CUBN: variants seen among roughly 807,000 people sequenced by gnomAD.
CUBN encodes the protein cubilin, also known as 460 kDa receptor.
A neutral mutation model predicts 405.3 loss-of-function variants in CUBN; 282 were observed. That is an observed-to-expected ratio of 0.70 (90% CI 0.63 to 0.77). CUBN has a LOEUF of 0.77. Among genes scored for constraint, CUBN ranks in the 30% least tolerant of loss-of-function variants. CUBN has a pLI of 0.00. For missense variants in CUBN, 4,514 were observed against 4,475.2 expected (o/e 1.01, Z -0.25); for synonymous variants, 1,684 against 1,617.0 (o/e 1.04, Z -0.99).
intron 51 of CUBN, among the ~76,000 whole-genome samples, chr10:16,902,494 G>A (rs1335000938): frequency 6.6e-6 from 1 of 151,480 alleles, no homozygotes; most frequent in South Asian, 2.1e-4. Flanking sequence ...CATTTCTGAA[G>A]AATAATATGG....
Position 17,082,066 on chromosome 10 carries a change from C to G in CUBN, c.2301+2205G>C, listed in dbSNP as rs117971923. 6.2e-3 allele frequency among the ~76,000 whole-genome samples: 938 copies of G among 152,266 alleles called. 2 individuals are homozygous for G. Among genetic ancestry groups the G allele is most frequent in the Non-Finnish European group, 9.1e-3 (618 of 68,020 alleles). On this transcript the variant is annotated intron_variant, in intron 17 of 66. Coordinates refer to ENST00000377833, the MANE Select transcript of CUBN (RefSeq NM_001081.4). The stretch of plus-strand genomic sequence containing the variant: ...ATACCTCGCTGGCCAACTGTGACAG[C>G]CACATCGGCTGTCTCTGAACTGATA...
chr10:16,984,683 A>G (rs529161643), intron 29 of CUBN, among the ~76,000 whole-genome samples: 6 of 152,342 alleles, frequency 3.9e-5, no homozygotes, highest in African/African-American at 1.2e-4. Flanking sequence ...AAAAAAAGAA[A>G]TGTCTGATTT....
At position 17,103,221 on chromosome 10, in the gene CUBN, G is replaced by T; in HGVS notation, c.1434C>A (p.Leu478=). The T allele has an allele frequency of 2.5e-6, 4 of 1,611,464 alleles. No homozygotes were observed. The highest frequency in any genetic ancestry group is 3.4e-6 in the Non-Finnish European group (4 of 1,177,692). The change falls in exon 13 of 67, where the codon CTC becomes CTA. Residue 478 remains leucine, a synonymous_variant. Transcript: ENST00000377833. ...AGCTGAAGCTTCCATTTATTCCTGA[G>T]AGGGACTCTCCACAAACTGCAAAGG... ...QVPQQVCGES[L]SGINGSFSYR... is the part of the protein sequence containing the mutation.
intron 31 of CUBN, among the ~76,000 whole-genome samples, chr10:16,977,388 G>A (rs1833130188): frequency 6.6e-6 from 1 of 152,180 alleles, no homozygotes; most frequent in Non-Finnish European, 1.5e-5. Flanking sequence ...GAGCAGAAGA[G>A]CAGTACAGCA....
intron 31 of CUBN, among the ~76,000 whole-genome samples, chr10:16,971,695 G>A (rs1261262035): frequency 2.6e-5 from 4 of 152,000 alleles, no homozygotes; most frequent in South Asian, 4.2e-4. Flanking sequence ...CCAATCTGGC[G>A]CTTCTTGGTG....
intron 36 of CUBN, among the ~76,000 whole-genome samples, chr10:16,946,229 G>A (rs909577272): frequency 2.0e-5 from 3 of 152,066 alleles, no homozygotes; most frequent in Non-Finnish European, 2.9e-5. Flanking sequence ...TCCATTATCA[G>A]TGTGACGTGT....
intron 43 of CUBN, among the ~76,000 whole-genome samples, chr10:16,922,356 C>T (rs1839998280): frequency 6.6e-6 from 1 of 152,152 alleles, no homozygotes; most frequent in Admixed American, 6.5e-5. Context: ...CTCTCTCCTA[C>T]CTTCTTACTG....
At position 16,872,290 on chromosome 10, in the gene CUBN, A is replaced by C. The variant is rs1237071613; in HGVS notation, c.9236+2084T>G. 2.0e-5 allele frequency among the ~76,000 whole-genome samples: 3 copies of C among 151,798 alleles called. No individual in the cohort carries two copies. The East Asian group carries it at 5.8e-4, about 29-fold the overall frequency. ...TAAACATGCAGATGTAAATTTCATT[A>C]TGGTGAGCTCCAGGATCCAGGCTGA... On this transcript the variant is annotated intron_variant, in intron 58 of 66. Coordinates refer to ENST00000377833, the MANE Select transcript of CUBN (RefSeq NM_001081.4).
At position 16,869,862 on chromosome 10, in the gene CUBN, T is replaced by G. The variant is rs1564395328; in HGVS notation, c.9237-9A>C. On this transcript the variant is annotated splice_polypyrimidine_tract_variant and intron_variant, in intron 58 of 66. Coordinates refer to ENST00000377833, the MANE Select transcript of CUBN (RefSeq NM_001081.4). ...CATCAAAATCACTGAACCTGTGAAA[T>G]GTACCTTGTTAATACTGATGTTTCC... 19 of 1,578,558 alleles carry G rather than the reference T, an allele frequency of 1.2e-5. No individual in the cohort carries two copies. In the South Asian group the frequency reaches 1.9e-4, roughly 16 times the overall value.
At chr10:16,837,140 A>T (rs1839196053) in intron 62 of CUBN, among the ~76,000 whole-genome samples, 1 of 150,738 alleles carries the variant, frequency 6.6e-6, no homozygotes, top group Admixed American at 6.6e-5. Context: ...TCCTTGTCTA[A>T]CTTTGCTGTA....
At chr10:17,051,925 G>A (rs1282756922) in intron 22 of CUBN, among the ~76,000 whole-genome samples, 3 of 152,074 alleles carry the variant, frequency 2.0e-5, no homozygotes, top group African/African-American at 7.2e-5. Context: ...TATGAAAAAT[G>A]TCTAGTAAGA....
chr10:17,046,493 G>A (rs1835136134), intron 23 of CUBN, among the ~76,000 whole-genome samples: 1 of 152,032 alleles, frequency 6.6e-6, no homozygotes, highest in South Asian at 2.1e-4. Context: ...TTCTGATTTG[G>A]AAATTTTTGA....
Position 16,963,187 on chromosome 10 carries a change from C to CTTTTTTTTTTTTTTTTT in CUBN, c.4696-8640_4696-8639insAAAAAAAAAAAAAAAAA, listed in dbSNP as rs1189695066. Reference sequence around the variant, plus strand: ...ATACATTTCTTTTTTCTTTTCTTTTCTTTTTTTTCTTTTTTTTTTTTTTTT... The same window carrying CTTTTTTTTTTTTTTTTT: ...ATACATTTCTTTTTTCTTTTCTTTTCTTTTTTTTTTTTTTTTTTTTTTTTTCTTTTTTTTTTTTTTTT... On this transcript the variant is annotated intron_variant, in intron 31 of 66. Coordinates refer to ENST00000377833, the MANE Select transcript of CUBN (RefSeq NM_001081.4). Among the ~76,000 whole-genome samples the CTTTTTTTTTTTTTTTTT allele has an allele frequency of 6.8e-4, 57 of 84,350 alleles. 5 individuals are homozygous for CTTTTTTTTTTTTTTTTT. Among genetic ancestry groups the CTTTTTTTTTTTTTTTTT allele is most frequent in the African/African-American group, 1.9e-3 (40 of 20,644 alleles). 55.3% of individuals were successfully genotyped at this position (84,350 alleles called of 152,430 possible).
At chr10:16,922,137 T>G (rs1319872108) in intron 43 of CUBN, among the ~76,000 whole-genome samples, 1 of 136,014 alleles carries the variant, frequency 7.4e-6, no homozygotes, top group Non-Finnish European at 1.7e-5. Flanking sequence ...AGGACATGGA[T>G]TTTGTTTGTT....
intron 22 of CUBN, among the ~76,000 whole-genome samples, chr10:17,057,986 G>A (rs949124945): frequency 6.6e-6 from 1 of 152,022 alleles, no homozygotes; most frequent in African/African-American, 2.4e-5. Flanking sequence ...GCCGGGCATG[G>A]TGGCGCGCAC....
chr10:17,084,449 C>A lies in CUBN; in HGVS notation c.2123G>T (p.Cys708Phe). ...TYLTSPSDLRCGGNYTDPEGE... is the reference protein window; with the variant it reads ...TYLTSPSDLRFGGNYTDPEGE... ...CTCTGGGTCCGTGTAGTTCCCACCA[C>A]AACGCAGATCCGCTAAGAACAGGGA... Residue 708 changes from cysteine (C) to phenylalanine (F), a missense_variant, in exon 17 of 67, where the codon TGT (cysteine) becomes TTT (phenylalanine). Transcript: ENST00000377833. 1 of 1,613,340 alleles carries A rather than the reference C, an allele frequency of 6.2e-7. No individual in the cohort carries two copies. The highest frequency in any genetic ancestry group is 8.5e-7 in the Non-Finnish European group (1 of 1,179,830).
intron 39 of CUBN, among the ~76,000 whole-genome samples, chr10:16,937,213 G>C (rs1432263612): frequency 6.6e-6 from 1 of 152,164 alleles, no homozygotes; most frequent in African/African-American, 2.4e-5. Context: ...ATAAAATGCA[G>C]AGGAAAAATA....
At chr10:16,978,548 T>TATTGTATG (rs1353195319) in intron 31 of CUBN, among the ~76,000 whole-genome samples, 2 of 152,196 alleles carry the variant, frequency 1.3e-5, no homozygotes, top group Admixed American at 6.5e-5. Context: ...TGTAAAATAA[T>TATTGTATG]ATTGAAATCA....
chr10:17,127,800 G>A (rs377496234), intron 3 of CUBN, 29 bp downstream of exon 3: 26 of 1,513,220 alleles, frequency 1.7e-5, no homozygotes, highest in Admixed American at 1.5e-4. Context: ...AGAACTCATC[G>A]GTTCTTATGA....
Sources: allele counts gnomAD v4.1 joint callset (sites outside exome capture counted in the v4.1 genomes callset), GRCh38; gene constraint gnomAD v4.1.1; transcripts MANE v1.5; gene names NCBI Gene and HGNC (gene_info 2026-07-23, HGNC 2026-07-21).